Variants in FAM91A1 observed in about 807,000 individuals in gnomAD.
The protein encoded by FAM91A1 is family with sequence similarity 91 member A1, also known as protein FAM91A1.
A neutral mutation model predicts 113.5 loss-of-function variants in FAM91A1; 41 were observed. The observed-to-expected ratio is 0.36, with a 90% CI of 0.28 to 0.47. FAM91A1 has a LOEUF of 0.47. Among genes scored for constraint, FAM91A1 ranks in the 20% least tolerant of loss-of-function variants. The probability of loss-of-function intolerance (pLI) is 1.00; values close to 1 mark genes in which losing one functional copy is unlikely to be tolerated. For synonymous variants in FAM91A1, 307 were observed against 347.9 expected (o/e 0.88, Z 1.31); for missense variants, 696 against 1,001.2 (o/e 0.70, Z 4.11).
intron 2 of FAM91A1, among the ~76,000 whole-genome samples, chr8:123,774,779 T>C (rs1356396980): frequency 6.6e-6 from 1 of 152,198 alleles, no homozygotes; most frequent in East Asian, 1.9e-4. Flanking sequence ...CAGCAAATAA[T>C]TTTTAAAAAT....
chr8:123,787,483 C>T, intron 13 of FAM91A1, 110 bp downstream of exon 13: 1 of 1,044,960 alleles, frequency 9.6e-7, no homozygotes, highest in Non-Finnish European at 1.4e-6. Context: ...TCCCGAAGCA[C>T]AACTGACTTA....
At chr8:123,777,915 T>C in intron 4 of FAM91A1, 110 bp from the exon 5 acceptor site, 1 of 802,850 alleles carries the variant, frequency 1.2e-6, no homozygotes, top group South Asian at 1.7e-5. Context: ...GATATTTGAC[T>C]AGTAATTGAA....
At chr8:123,771,981 T>C (rs962778647) in intron 1 of FAM91A1, among the ~76,000 whole-genome samples, 3 of 152,320 alleles carry the variant, frequency 2.0e-5, no homozygotes, top group Admixed American at 2.0e-4. Context: ...TTTTTTTTTC[T>C]TCTTTTTAAA....
intron 1 of FAM91A1, among the ~76,000 whole-genome samples, chr8:123,770,933 G>C (rs1390338481): frequency 6.6e-6 from 1 of 152,118 alleles, no homozygotes; most frequent in Non-Finnish European, 1.5e-5. Flanking sequence ...CCTAGGCCGA[G>C]CTCCATCTGA....
At position 123,798,127 on chromosome 8, in the gene FAM91A1, T is replaced by G; in HGVS notation, c.1449T>G (p.Leu483=). The part of the protein sequence containing the change: ...PLDLLRCESL[L]GLDPATCSRV... The stretch of plus-strand genomic sequence containing the variant: ...ATCTCTTACGCTGTGAAAGCCTTCT[T>G]GGTTTGGACCCTGCAACTTGCAGCA... The change falls in exon 16 of 24, where the codon CTT becomes CTG. Residue 483 remains leucine (L), a synonymous_variant. Transcript: ENST00000334705. 6.2e-7 allele frequency: 1 copy of G among 1,614,050 alleles called. No individual in the cohort carries two copies. The highest frequency in any genetic ancestry group is 8.5e-7 in the Non-Finnish European group (1 of 1,179,980).
intron 20 of FAM91A1, among the ~76,000 whole-genome samples, chr8:123,807,664 T>C (rs954131286): frequency 6.6e-6 from 1 of 151,876 alleles, no homozygotes; most frequent in Non-Finnish European, 1.5e-5. Flanking sequence ...GTTTTGAAAA[T>C]TGAAGAGTTA....
At position 123,796,202 on chromosome 8, in the gene FAM91A1, A is replaced by G. The variant is rs1815515559; in HGVS notation, c.1412-1888A>G. On this transcript the variant is annotated intron_variant, in intron 15 of 23. Transcript: ENST00000334705. Reference sequence around the variant, plus strand: ...ATGACCTTTAAGGCTTTTTACACACAGTAGTCTATAGAAAGGATTGTCTGC... The same window carrying G: ...ATGACCTTTAAGGCTTTTTACACACGGTAGTCTATAGAAAGGATTGTCTGC... Among the ~76,000 whole-genome samples the G allele has an allele frequency of 3.3e-5, 5 of 152,194 alleles. No homozygotes were observed. The South Asian group carries it at 1.0e-3, about 31-fold the overall frequency.
intron 1 of FAM91A1, among the ~76,000 whole-genome samples, chr8:123,769,436 C>T (rs1252345387): frequency 1.3e-5 from 2 of 152,130 alleles, no homozygotes; most frequent in African/African-American, 2.4e-5. Flanking sequence ...GCAGATGAGC[C>T]TGGAAAAGTG....
rs1816038472 is a variant in FAM91A1 at position 123,814,887 on chromosome 8, A to G, written c.*2183A>G. 6.6e-6 allele frequency: 1 copy of G among 152,630 alleles called. No individual in the cohort carries two copies. The highest frequency in any genetic ancestry group is 1.5e-5 in the Non-Finnish European group (1 of 68,036). 9.5% of individuals were successfully genotyped at this position (152,630 alleles called of 1,614,324 possible). The stretch of plus-strand genomic sequence containing the variant: ...TAAAATGCAGACTTTGTTATTTGCC[A>G]AAGAAGATTCATGAAAAATTTACGT... On this transcript the variant is annotated 3_prime_UTR_variant, in exon 24 of 24. Coordinates refer to ENST00000334705, the MANE Select transcript of FAM91A1 (RefSeq NM_144963.4).
At chr8:123,768,867 G>A (rs1006652389) in intron 1 of FAM91A1, 93 bp downstream of exon 1, 1 of 1,274,324 alleles carries the variant, frequency 7.8e-7, no homozygotes, top group Non-Finnish European at 1.1e-6. Context: ...GCGGGCTGCT[G>A]CCGGCTGACT....
At chr8:123,789,370 A>G (rs909416431) in intron 14 of FAM91A1, among the ~76,000 whole-genome samples, 6 of 152,336 alleles carry the variant, frequency 3.9e-5, no homozygotes, top group African/African-American at 1.2e-4. Flanking sequence ...ATATAATGCT[A>G]TAACTTAGCA....
intron 22 of FAM91A1, among the ~76,000 whole-genome samples, chr8:123,809,230 C>T (rs1815889741): frequency 6.6e-6 from 1 of 151,986 alleles, no homozygotes; most frequent in African/African-American, 2.4e-5. Context: ...ACATTTTGGG[C>T]ACATGTTTTG....
At chr8:123,801,335 A>C (rs1815675574) in intron 18 of FAM91A1, among the ~76,000 whole-genome samples, 1 of 152,238 alleles carries the variant, frequency 6.6e-6, no homozygotes, top group Non-Finnish European at 1.5e-5. Flanking sequence ...TGGAGATGGC[A>C]ATATCTATTG....
rs946489894 is a variant in FAM91A1 at position 123,801,176 on chromosome 8, A to G, written c.1809+1291A>G. Among the ~76,000 whole-genome samples the G allele has an allele frequency of 2.0e-5, 3 of 152,194 alleles. No homozygotes were observed. The East Asian group carries it at 5.8e-4, about 29-fold the overall frequency. On this transcript the variant is annotated intron_variant, in intron 18 of 23. Coordinates refer to ENST00000334705, the MANE Select transcript of FAM91A1 (RefSeq NM_144963.4). ...GATATTATGTGGCTTTTTGATGATA[A>G]CCACCTTAGGAGGTGTGGAATGGTA...
chr8:123,781,634 C>A (rs1045657684), intron 8 of FAM91A1, among the ~76,000 whole-genome samples: 4 of 151,970 alleles, frequency 2.6e-5, no homozygotes, highest in Non-Finnish European at 5.9e-5. Context: ...CCCACCATCA[C>A]GTCTGGCTAA....
At chr8:123,793,658 G>T (rs942988573) in intron 15 of FAM91A1, among the ~76,000 whole-genome samples, 1 of 152,098 alleles carries the variant, frequency 6.6e-6, no homozygotes, top group Non-Finnish European at 1.5e-5. Flanking sequence ...GCATCTTATT[G>T]TGTATTTATT....
At chr8:123,779,777 T>G (rs1815074789) in intron 6 of FAM91A1, among the ~76,000 whole-genome samples, 1 of 152,206 alleles carries the variant, frequency 6.6e-6, no homozygotes, top group African/African-American at 2.4e-5. Context: ...GTAAGTTTGT[T>G]CTCTACATTC....
At chr8:123,770,565 A>C (rs1309637185) in intron 1 of FAM91A1, among the ~76,000 whole-genome samples, 2 of 152,186 alleles carry the variant, frequency 1.3e-5, no homozygotes, top group Non-Finnish European at 2.9e-5. Flanking sequence ...AAATCCAAAG[A>C]CACAAGAAGA....
rs1816021811 is a variant in FAM91A1 at position 123,814,290 on chromosome 8, A to G, written c.*1586A>G. 1 of 263,766 alleles carries G rather than the reference A, an allele frequency of 3.8e-6. No individual in the cohort carries two copies. The highest frequency in any genetic ancestry group is 7.3e-6 in the Non-Finnish European group (1 of 136,266). 16.3% of individuals were successfully genotyped at this position (263,766 alleles called of 1,614,324 possible). ...ATTGATATTGTACATTCCTAGTGCC[A>G]TTAGGTATGTATGTATGTAACTTTT... On this transcript the variant is annotated 3_prime_UTR_variant, in exon 24 of 24. Transcript: ENST00000334705.
Sources: allele counts gnomAD v4.1 joint callset (sites outside exome capture counted in the v4.1 genomes callset), GRCh38; gene constraint gnomAD v4.1.1; transcripts MANE v1.5; gene names NCBI Gene and HGNC (gene_info 2026-07-23, HGNC 2026-07-21).